Variants in SAE1 observed in about 807,000 individuals in gnomAD.
The protein encoded by SAE1 is SUMO1 activating enzyme subunit 1.
Under a neutral mutation model 40.6 loss-of-function variants are expected in SAE1, and 11 were observed. The observed-to-expected ratio is 0.27, with a 90% confidence interval of 0.17 to 0.45. SAE1 has a LOEUF of 0.45. SAE1 is among the 20% of genes least tolerant of loss of function. The pLI is 1.00. For missense variants in SAE1, 373 were observed against 427.3 expected, an observed-to-expected ratio of 0.87 and a Z score of 1.12; for synonymous variants, 155 against 154.3, an observed-to-expected ratio of 1.00 and a Z score of -0.03.
chr19:47,143,529 A>G lies in SAE1; in HGVS notation c.134A>G (p.Lys45Arg). The change falls in exon 2 of 9, where the codon AAA becomes AGA. Residue 45 changes from lysine (K) to arginine (R), a missense_variant. Coordinates refer to ENST00000270225, the MANE Select transcript of SAE1 (RefSeq NM_005500.3). ...TCTCGGGTGCTTCTTGTCGGCTTGA[A>G]AGGACTTGGGGCTGAAATTGCCAAG... ...RASRVLLVGL[K>R]GLGAEIAKNL... is the part of the protein sequence containing the mutation. 1.2e-6 allele frequency: 2 copies of G among 1,614,086 alleles called. No homozygotes were observed. Among genetic ancestry groups the G allele is most frequent in the Non-Finnish European group, 1.7e-6 (2 of 1,180,020 alleles).
chr19:47,149,730 C>T (rs1395204551), intron 2 of SAE1, among the ~76,000 whole-genome samples: 1 of 152,052 alleles, frequency 6.6e-6, no homozygotes, highest in African/African-American at 2.4e-5. Flanking sequence ...AGTTTAAAGT[C>T]ATTTTAAAGC....
intron 7 of SAE1, among the ~76,000 whole-genome samples, chr19:47,200,756 T>C (rs2058649030): frequency 6.6e-6 from 1 of 152,236 alleles, no homozygotes; most frequent in Non-Finnish European, 1.5e-5. Context: ...TACTCATTTA[T>C]ATATTATCTG....
chr19:47,174,604 GCT>G (rs1297467791), intron 6 of SAE1, among the ~76,000 whole-genome samples: 1 of 124,574 alleles, frequency 8.0e-6, no homozygotes, highest in African/African-American at 3.2e-5. Context: ...ACGGAGTCTC[GCT>G]CTGTCTCCCA....
At chr19:47,194,168 A>G (rs989118683) in intron 6 of SAE1, among the ~76,000 whole-genome samples, 2 of 152,106 alleles carry the variant, frequency 1.3e-5, no homozygotes, top group African/African-American at 4.8e-5. Context: ...AGATTCACTC[A>G]CTCGCCATTG....
At chr19:47,163,498 C>A (rs1470920729) in intron 5 of SAE1, among the ~76,000 whole-genome samples, 1 of 152,008 alleles carries the variant, frequency 6.6e-6, no homozygotes, top group Non-Finnish European at 1.5e-5. Context: ...GAGGCCAAGG[C>A]GGGTGGATCA....
chr19:47,208,487 C>T (rs1489620455), intron 8 of SAE1, among the ~76,000 whole-genome samples: 1 of 152,152 alleles, frequency 6.6e-6, no homozygotes, highest in Non-Finnish European at 1.5e-5. Flanking sequence ...GTCGCCCAGG[C>T]TGGAGTGCGG....
At chr19:47,192,577 C>G (rs1032155969) in intron 6 of SAE1, among the ~76,000 whole-genome samples, 1 of 152,018 alleles carries the variant, frequency 6.6e-6, no homozygotes, top group African/African-American at 2.4e-5. Context: ...CAGCCTCTCT[C>G]TGTAGCCCAG....
intron 7 of SAE1, among the ~76,000 whole-genome samples, chr19:47,201,052 T>G (rs1180065841): frequency 6.6e-6 from 1 of 151,246 alleles, no homozygotes; most frequent in Non-Finnish European, 1.5e-5. Context: ...TTTTTTTTAT[T>G]TTTTTTTGAG....
intron 2 of SAE1, 67 bp downstream of exon 2, chr19:47,143,672 T>G: frequency 8.4e-7 from 1 of 1,192,880 alleles, no homozygotes; most frequent in East Asian, 2.3e-5. Flanking sequence ...ATCTGCAGAT[T>G]TTGTGAGTTC....
intron 3 of SAE1, among the ~76,000 whole-genome samples, chr19:47,151,182 T>C (rs1449352678): frequency 6.6e-6 from 1 of 151,850 alleles, no homozygotes; most frequent in African/African-American, 2.4e-5. Flanking sequence ...GGAGTTTTGC[T>C]CTTGTCGCCC....
chr19:47,145,674 G>A (rs1465964265), intron 2 of SAE1, among the ~76,000 whole-genome samples: 3 of 151,968 alleles, frequency 2.0e-5, no homozygotes, highest in Non-Finnish European at 4.4e-5. Flanking sequence ...TCTGCCTCCC[G>A]GGTTCAAGCA....
intron 1 of SAE1, chr19:47,135,470 C>T (rs1237221834): frequency 1.3e-5 from 2 of 152,116 alleles, no homozygotes; most frequent in East Asian, 3.8e-4. Flanking sequence ...AACATAATAA[C>T]ATCCAGTGCC....
At chr19:47,193,420 C>A (rs1214697801) in intron 6 of SAE1, among the ~76,000 whole-genome samples, 1 of 151,996 alleles carries the variant, frequency 6.6e-6, no homozygotes, top group Non-Finnish European at 1.5e-5. Context: ...GTTGCAGAAG[C>A]TGTGTTCTTG....
At chr19:47,201,706 T>C (rs1380418242) in intron 7 of SAE1, among the ~76,000 whole-genome samples, 1 of 152,030 alleles carries the variant, frequency 6.6e-6, no homozygotes, top group Non-Finnish European at 1.5e-5. Flanking sequence ...CCATCTCGGC[T>C]CACTGCAACC....
chr19:47,168,320 C>T (rs567669740), intron 5 of SAE1, among the ~76,000 whole-genome samples: 23 of 151,866 alleles, frequency 1.5e-4, no homozygotes, highest in South Asian at 1.5e-3. Context: ...GTATTTTTTT[C>T]TCTCTCTCTC....
chr19:47,133,280 C>T (rs1279636835), intron 1 of SAE1, among the ~76,000 whole-genome samples: 1 of 152,036 alleles, frequency 6.6e-6, no homozygotes, highest in East Asian at 1.9e-4. Flanking sequence ...TGCAATGGCA[C>T]GATCTCGGCT....
intron 8 of SAE1, 68 bp downstream of exon 8, chr19:47,203,808 G>A (rs961952051): frequency 2.2e-6 from 3 of 1,379,478 alleles, no homozygotes; most frequent in African/African-American, 1.4e-5. Flanking sequence ...AGAGAGAATG[G>A]AAACTGTCTT....
At chr19:47,205,563 C>T (rs1344293323) in intron 8 of SAE1, among the ~76,000 whole-genome samples, 1 of 152,066 alleles carries the variant, frequency 6.6e-6, no homozygotes, top group Non-Finnish European at 1.5e-5. Context: ...GAGGACTGTT[C>T]GAGCAGGATT....
chr19:47,181,262 G>A (rs1023869239), intron 6 of SAE1, among the ~76,000 whole-genome samples: 1 of 152,026 alleles, frequency 6.6e-6, no homozygotes, highest in Non-Finnish European at 1.5e-5. Flanking sequence ...GTTGTGGTGA[G>A]CCGAGATCGC....
Sources: gnomAD v4.1 joint callset for allele counts (sites outside exome capture counted in the v4.1 genomes callset) on GRCh38, gnomAD v4.1.1 for gene constraint, MANE v1.5 for transcripts, NCBI Gene and HGNC (gene_info 2026-07-23, HGNC 2026-07-21) for gene names.